The following CNTN5 variants were observed in gnomAD, a reference collection of about 807,000 sequenced individuals.
The protein encoded by CNTN5 is contactin 5, also known as contactin-5.
A neutral mutation model predicts 129.1 loss-of-function variants in CNTN5; 77 were observed. The observed-to-expected ratio is 0.60, with a 90% confidence interval of 0.50 to 0.72. The LOEUF (loss-of-function observed/expected upper bound fraction) is 0.72. Ranked by LOEUF, CNTN5 falls within the 30% of genes least tolerant of loss-of-function variation. The pLI is 0.00. For synonymous variants in CNTN5, 509 were observed against 465.6 expected (o/e 1.09, Z -1.20); for missense variants, 1,478 against 1,328.8 (o/e 1.11, Z -1.75).
intron 1 of CNTN5, among the ~76,000 whole-genome samples, chr11:99,166,865 T>C (rs1860899909): frequency 6.6e-6 from 1 of 152,042 alleles, no homozygotes; most frequent in Non-Finnish European, 1.5e-5. Context: ...TTGATTTAAT[T>C]TCATGTTTTC....
intron 4 of CNTN5, among the ~76,000 whole-genome samples, chr11:99,842,338 T>C (rs1422377267): frequency 6.6e-6 from 1 of 152,222 alleles, no homozygotes; most frequent in Non-Finnish European, 1.5e-5. Context: ...TGGCATATAG[T>C]AATTATACTA....
intron 2 of CNTN5, among the ~76,000 whole-genome samples, chr11:99,508,103 A>G (rs989872566): frequency 2.6e-5 from 4 of 152,236 alleles, no homozygotes; most frequent in African/African-American, 9.6e-5. Flanking sequence ...GGACAGAGTT[A>G]TGTTTGGTGA....
chr11:99,444,419 A>G (rs1943975535), intron 2 of CNTN5, among the ~76,000 whole-genome samples: 1 of 152,170 alleles, frequency 6.6e-6, no homozygotes, highest in Admixed American at 6.5e-5. Context: ...AAATGATGGC[A>G]TATGTGTGTA....
At chr11:100,133,822 T>A (rs1226158165) in intron 13 of CNTN5, among the ~76,000 whole-genome samples, 1 of 152,178 alleles carries the variant, frequency 6.6e-6, no homozygotes, top group African/African-American at 2.4e-5. Flanking sequence ...TACTTGCTGG[T>A]AACTGGAGTT....
At chr11:99,060,758 C>T (rs1864840811) in intron 1 of CNTN5, among the ~76,000 whole-genome samples, 1 of 152,058 alleles carries the variant, frequency 6.6e-6, no homozygotes, top group Non-Finnish European at 1.5e-5. Flanking sequence ...ACTTAGTCTT[C>T]TGTCCCCACA....
chr11:100,288,975 A>G (rs1483990408), intron 18 of CNTN5, among the ~76,000 whole-genome samples: 3 of 152,188 alleles, frequency 2.0e-5, no homozygotes, highest in African/African-American at 7.2e-5. Flanking sequence ...AGAATACTAC[A>G]AACACCTCTA....
intron 1 of CNTN5, among the ~76,000 whole-genome samples, chr11:99,093,273 A>G (rs970607244): frequency 4.6e-5 from 7 of 152,120 alleles, no homozygotes; most frequent in Non-Finnish European, 8.8e-5. Context: ...TTAATTAAAT[A>G]CAGAAATTAT....
At chr11:99,134,432 C>A (rs1208702271) in intron 1 of CNTN5, among the ~76,000 whole-genome samples, 8 of 152,130 alleles carry the variant, frequency 5.3e-5, no homozygotes, top group Non-Finnish European at 1.2e-4. Flanking sequence ...CTTGCAAATT[C>A]TTTGATACCA....
intron 2 of CNTN5, among the ~76,000 whole-genome samples, chr11:99,422,301 T>C (rs1565568850): frequency 6.6e-6 from 1 of 151,946 alleles, no homozygotes; most frequent in African/African-American, 2.4e-5. Flanking sequence ...TATTTTTGTT[T>C]TTTAAGCATT....
At position 99,115,664 on chromosome 11, in the gene CNTN5, G is replaced by A. The variant is rs55673513; in HGVS notation, c.-210+94394G>A. ...AATCCCAGCTACTCGGGAGGCTGAG[G>A]CAGGAGAATCACTTGAACCTGGAAG... On this transcript the variant is annotated intron_variant, in intron 1 of 24. Transcript: ENST00000524871. Among the ~76,000 whole-genome samples, 805 of 152,244 alleles carry A rather than the reference G, an allele frequency of 5.3e-3. 9 individuals carry two copies. Among genetic ancestry groups the A allele is most frequent in the African/African-American group, 0.019 (779 of 41,552 alleles).
intron 14 of CNTN5, among the ~76,000 whole-genome samples, chr11:100,193,133 T>C (rs1277617408): frequency 2.0e-5 from 3 of 151,998 alleles, no homozygotes; most frequent in Non-Finnish European, 4.4e-5. Flanking sequence ...AAAAATCTTT[T>C]ATTTACTTAA....
chr11:99,249,140 G>C (rs1037852395), intron 1 of CNTN5, among the ~76,000 whole-genome samples: 3 of 151,844 alleles, frequency 2.0e-5, no homozygotes, highest in East Asian at 1.9e-4. Context: ...CTTTTATTTC[G>C]TTGAGCAGTG....
chr11:99,329,861 CA>C (rs1865928927), intron 2 of CNTN5, among the ~76,000 whole-genome samples: 1 of 150,064 alleles, frequency 6.7e-6, no homozygotes, highest in African/African-American at 2.4e-5. Context: ...TGTAAGGGTG[CA>C]AAAAGTTCAC....
At chr11:99,981,587 T>C (rs921096321) in intron 8 of CNTN5, among the ~76,000 whole-genome samples, 1 of 152,180 alleles carries the variant, frequency 6.6e-6, no homozygotes, top group African/African-American at 2.4e-5. Context: ...TTTCTTGGTA[T>C]TGCTTAACGT....
chr11:99,878,289 A>G (rs1401098027), intron 6 of CNTN5, among the ~76,000 whole-genome samples: 1 of 152,080 alleles, frequency 6.6e-6, no homozygotes, highest in Non-Finnish European at 1.5e-5. Context: ...TTTCTTTTAC[A>G]CTACTTCTTC....
intron 13 of CNTN5, among the ~76,000 whole-genome samples, chr11:100,092,000 A>G (rs11222727): frequency 0.099 from 15,108 of 152,162 alleles, 851 homozygotes; most frequent in Non-Finnish European, 0.12. Flanking sequence ...ATGAGACAGT[A>G]TTATATACCA....
chr11:100,022,079 A>G (rs926858899), intron 9 of CNTN5, among the ~76,000 whole-genome samples: 32 of 152,092 alleles, frequency 2.1e-4, no homozygotes, highest in Admixed American at 1.9e-3. Flanking sequence ...CTCCCAGTCC[A>G]CTGACTCAAA....
chr11:99,694,222 G>A (rs1005991939), intron 3 of CNTN5, among the ~76,000 whole-genome samples: 1 of 152,104 alleles, frequency 6.6e-6, no homozygotes, highest in African/African-American at 2.4e-5. Flanking sequence ...CTATACTTCA[G>A]GGCTGTGCAA....
At chr11:99,633,481 A>C (rs879733671) in intron 3 of CNTN5, among the ~76,000 whole-genome samples, 1 of 152,218 alleles carries the variant, frequency 6.6e-6, no homozygotes, top group Non-Finnish European at 1.5e-5. Flanking sequence ...ATACATATTT[A>C]TCAAGCAGCT....
Sources: gnomAD v4.1 joint callset for allele counts (sites outside exome capture counted in the v4.1 genomes callset) on GRCh38, gnomAD v4.1.1 for gene constraint, MANE v1.5 for transcripts, NCBI Gene and HGNC (gene_info 2026-07-23, HGNC 2026-07-21) for gene names.